Variants in SMAD3 observed in about 807,000 individuals in gnomAD.
SMAD3 encodes the protein SMAD family member 3, also known as MAD homolog 3.
SMAD3 carries 12 observed loss-of-function variants against 51.8 expected under a neutral mutation model. The observed-to-expected ratio is 0.23, with a 90% confidence interval of 0.15 to 0.38. The LOEUF (loss-of-function observed/expected upper bound fraction) is 0.38, where lower values mean the gene tolerates loss of function less well. SMAD3 is among the 10% of genes least tolerant of loss of function. SMAD3 has a pLI of 1.00. For missense variants in SMAD3, 294 were observed against 565.6 expected, an observed-to-expected ratio of 0.52 and a Z score of 4.87; for synonymous variants, 238 against 227.7, an observed-to-expected ratio of 1.05 and a Z score of -0.41.
At chr15:67,076,301 A>G (rs1379790778) in intron 1 of SMAD3, among the ~76,000 whole-genome samples, 1 of 152,208 alleles carries the variant, frequency 6.6e-6, no homozygotes, top group Admixed American at 6.5e-5. Context: ...ACTAAAAATA[A>G]TAGTACTAAA....
At chr15:67,100,052 A>G (rs977273645) in intron 1 of SMAD3, among the ~76,000 whole-genome samples, 6 of 152,052 alleles carry the variant, frequency 3.9e-5, no homozygotes, top group Admixed American at 6.5e-5. Flanking sequence ...ATGGTGCCAC[A>G]TGCCTGTAAT....
chr15:67,122,336 TC>T (rs1436284266), intron 1 of SMAD3, among the ~76,000 whole-genome samples: 1 of 152,144 alleles, frequency 6.6e-6, no homozygotes, highest in Non-Finnish European at 1.5e-5. Context: ...CTTTTGCTGT[TC>T]CCCCCAGACC....
intron 1 of SMAD3, among the ~76,000 whole-genome samples, chr15:67,084,157 G>T (rs534040092): frequency 2.2e-5 from 3 of 135,642 alleles, no homozygotes; most frequent in South Asian, 4.9e-4. Context: ...CTCACTGCAA[G>T]CTCTGCCTCC....
intron 1 of SMAD3, among the ~76,000 whole-genome samples, chr15:67,110,187 A>G (rs1186018216): frequency 6.6e-6 from 1 of 152,124 alleles, no homozygotes. Context: ...AATAATTAGG[A>G]TACTGGCTGT....
intron 1 of SMAD3, among the ~76,000 whole-genome samples, chr15:67,093,584 G>A (rs1045412762): frequency 1.3e-5 from 2 of 152,196 alleles, no homozygotes; most frequent in Non-Finnish European, 1.5e-5. Flanking sequence ...TGGCCAAGGC[G>A]CAGATCATTT....
At chr15:67,097,556 T>A (rs1457066506) in intron 1 of SMAD3, among the ~76,000 whole-genome samples, 16 of 152,104 alleles carry the variant, frequency 1.1e-4, no homozygotes. Flanking sequence ...TATCTCCATC[T>A]CTTAACTAGT....
chr15:67,142,808 G>A (rs1179057696), intron 1 of SMAD3: 2 of 450,186 alleles, frequency 4.4e-6, no homozygotes, highest in Non-Finnish European at 8.9e-6. Context: ...TGTGATGTTT[G>A]TGATAAGGGC....
intron 1 of SMAD3, among the ~76,000 whole-genome samples, chr15:67,127,805 C>T (rs984226442): frequency 2.4e-4 from 36 of 152,136 alleles, no homozygotes; most frequent in African/African-American, 7.7e-4. Flanking sequence ...CCCCAAAGTG[C>T]GTTCATGTCC....
chr15:67,102,202 G>A (rs1056702191), intron 1 of SMAD3, among the ~76,000 whole-genome samples: 2 of 151,344 alleles, frequency 1.3e-5, no homozygotes, highest in African/African-American at 4.9e-5. Context: ...CCTGCCTCGA[G>A]GCCCACCATG....
chr15:67,182,959 T>G lies in SMAD3; in HGVS notation c.871+1506T>G, dbSNP rs1367231372. On this transcript the variant is annotated intron_variant, in intron 6 of 8. Coordinates refer to ENST00000327367, the MANE Select transcript of SMAD3 (RefSeq NM_005902.4). Reference sequence around the variant, plus strand: ...AGCTGGGACAATAGGCATATACCACTGCAACTGGCTTTTTTCTATATTTTA... The same window carrying G: ...AGCTGGGACAATAGGCATATACCACGGCAACTGGCTTTTTTCTATATTTTA... 1.7e-4 allele frequency among the ~76,000 whole-genome samples: 21 copies of G among 127,000 alleles called. No individual in the cohort carries two copies. In the East Asian group the frequency reaches 1.7e-3, roughly 10 times the overall value. The allele number at this position is 127,000 out of a possible 152,430, so 83.3% of individuals were successfully genotyped here.
chr15:67,089,745 C>T (rs1339024307), intron 1 of SMAD3, among the ~76,000 whole-genome samples: 1 of 152,204 alleles, frequency 6.6e-6, no homozygotes, highest in Non-Finnish European at 1.5e-5. Flanking sequence ...AAGCACTTTC[C>T]CACACGTCAT....
rs541772921 is a variant in SMAD3 at position 67,138,146 on chromosome 15, G to C, written c.207-26749G>C. 1.7e-4 allele frequency: 237 copies of C among 1,420,046 alleles called. No homozygotes were observed. In the African/African-American group the frequency reaches 3.0e-3, roughly 18 times the overall value. The allele number at this position is 1,420,046 out of a possible 1,614,324, so 88.0% of individuals were successfully genotyped here. A position where few individuals can be genotyped will look rare whatever the true frequency, so the allele number is the denominator to read the frequency against. ...CATGTCTTTTCTCTTTCTTGAACTCGTCTCCCCACCCGTCCACAGGGTTGC... is the reference window on the plus strand; with the variant it reads ...CATGTCTTTTCTCTTTCTTGAACTCCTCTCCCCACCCGTCCACAGGGTTGC... On this transcript the variant is annotated intron_variant, in intron 1 of 8. Transcript: ENST00000327367.
chr15:67,081,229 G>A (rs1178715332), intron 1 of SMAD3, among the ~76,000 whole-genome samples: 1 of 152,178 alleles, frequency 6.6e-6, no homozygotes, highest in Non-Finnish European at 1.5e-5. Flanking sequence ...TGGACAGAGA[G>A]TATTCATTAC....
rs911549241 is a variant in SMAD3 at position 67,141,102 on chromosome 15, T to C, written c.207-23793T>C. Among the ~76,000 whole-genome samples the C allele has an allele frequency of 5.3e-5, 8 of 152,292 alleles. No homozygotes were observed. In the East Asian group the frequency reaches 5.8e-4, roughly 11 times the overall value. On this transcript the variant is annotated intron_variant, in intron 1 of 8. Transcript: ENST00000327367. ...TTGACCTCCAGCCCAGACCGATCAATTGATGGCTGTCTTCTGGGTCTCCCA... is the reference window on the plus strand; with the variant it reads ...TTGACCTCCAGCCCAGACCGATCAACTGATGGCTGTCTTCTGGGTCTCCCA...
At chr15:67,116,842 T>C (rs927824356) in intron 1 of SMAD3, among the ~76,000 whole-genome samples, 4 of 152,134 alleles carry the variant, frequency 2.6e-5, no homozygotes, top group African/African-American at 9.7e-5. Context: ...TTCTGCTTGA[T>C]GGTTGTAGTA....
At chr15:67,116,302 C>T (rs1961134217) in intron 1 of SMAD3, among the ~76,000 whole-genome samples, 1 of 152,216 alleles carries the variant, frequency 6.6e-6, no homozygotes, top group Admixed American at 6.5e-5. Flanking sequence ...TTTGCAGTGC[C>T]TAGCACACAG....
intron 4 of SMAD3, among the ~76,000 whole-genome samples, chr15:67,170,026 A>G (rs1962702784): frequency 6.6e-6 from 1 of 152,048 alleles, no homozygotes; most frequent in Non-Finnish European, 1.5e-5. Flanking sequence ...CCTGAAATTG[A>G]TCTTTCCAGC....
chr15:67,130,860 G>A (rs1056984846), intron 1 of SMAD3, among the ~76,000 whole-genome samples: 22 of 151,932 alleles, frequency 1.4e-4, no homozygotes, highest in African/African-American at 4.8e-4. Context: ...TTAACCCTTC[G>A]GTGGACAGGG....
rs181639271 is a variant in SMAD3, at chr15:67,117,863, G to A, written c.207-47032G>A. Among the ~76,000 whole-genome samples the A allele has an allele frequency of 3.2e-4, 48 of 152,288 alleles. 1 individual carries two copies. Among genetic ancestry groups the A allele is most frequent in the Admixed American group, 2.8e-3 (43 of 15,304 alleles). ...TCCCAGCACTTTGGGAGGCCGAGGC[G>A]GGTGGATCACCTGAGGTCAGGAGTT... On this transcript the variant is annotated intron_variant, in intron 1 of 8. Coordinates refer to ENST00000327367, the MANE Select transcript of SMAD3 (RefSeq NM_005902.4).
Sources: allele counts gnomAD v4.1 joint callset (sites outside exome capture counted in the v4.1 genomes callset), GRCh38; gene constraint gnomAD v4.1.1; transcripts MANE v1.5; gene names NCBI Gene and HGNC (gene_info 2026-07-23, HGNC 2026-07-21).